Variants in IGFN1 observed in about 807,000 individuals in gnomAD.
IGFN1 encodes the protein immunoglobulin-like and fibronectin type III domain-containing protein 1.
A neutral mutation model predicts 289.5 loss-of-function variants in IGFN1; 253 were observed. The ratio of observed to expected loss-of-function variants is 0.87; its 90% CI spans 0.79 to 0.97. The LOEUF (loss-of-function observed/expected upper bound fraction) is 0.97, where lower values mean the gene tolerates loss of function less well. Among genes scored for constraint, IGFN1 ranks in the 50% least tolerant of loss-of-function variants. IGFN1 has a pLI of 0.00. For missense variants in IGFN1, 4,470 were observed against 4,686.1 expected, an observed-to-expected ratio of 0.95 and a Z score of 1.35; for synonymous variants, 1,706 against 1,788.5, an observed-to-expected ratio of 0.95 and a Z score of 1.16.
In IGFN1 at chr1:201,228,562, C is replaced by A; in HGVS notation, c.*163C>A. On this transcript the variant is annotated 3_prime_UTR_variant, in exon 24 of 24. Transcript: ENST00000335211. The stretch of plus-strand genomic sequence containing the variant: ...GTTTTGGCCAGGAGGACGTGAAGTC[C>A]TTGGGGAAGAAAAACAAGGGAGGAG... 1 of 731,006 alleles carries A rather than the reference C, an allele frequency of 1.4e-6. No individual in the cohort carries two copies. The highest frequency in any genetic ancestry group is 2.3e-5 in the Admixed American group (1 of 44,256). 45.3% of individuals were successfully genotyped at this position (731,006 alleles called of 1,614,324 possible). A position where few individuals can be genotyped will look rare whatever the true frequency, so the allele number is the denominator to read the frequency against.
intron 18 of IGFN1, among the ~76,000 whole-genome samples, chr1:201,219,064 G>GAAA (rs11411197): frequency 6.7e-6 from 1 of 148,244 alleles, no homozygotes. Flanking sequence ...AAAGAAAGAA[G>GAAA]AAAAAAAAAA....
chr1:201,200,352 C>T lies in IGFN1; in HGVS notation c.574C>T (p.Arg192Cys), dbSNP rs754271931. The T allele has an allele frequency of 1.4e-5, 21 of 1,551,642 alleles. No homozygotes were observed. Among genetic ancestry groups the T allele is most frequent in the Admixed American group, 5.9e-5 (3 of 50,986 alleles). The change falls in exon 8 of 24, where the codon CGT becomes TGT. Residue 192 changes from arginine to cysteine, a missense_variant. Arg to Cys is a radical substitution (Grantham distance 180). This residue lies in a region of IGFN1 where 2,011 missense variants were observed against 1,953.4 expected (regional missense o/e 1.03). Transcript: ENST00000335211. ...CTTGAAGTATGGCATCGTCGACTAC[C>T]GTGGCATGTTGCGCAGGCTGCAGGA... ...ICLKYGIVDYRGMLRRLQEMK... is the reference protein window; with the variant it reads ...ICLKYGIVDYCGMLRRLQEMK...
rs375687736 is a variant in IGFN1 at position 201,221,611 on chromosome 1, G to A, written c.10066G>A (p.Val3356Met). Residue 3356 changes from valine to methionine, a missense_variant, in exon 19 of 24, where the codon GTG (valine) becomes ATG (methionine). Transcript: ENST00000335211. The stretch of plus-strand genomic sequence containing the variant: ...GTGGCTCCCGTGCCATGTGGGCACC[G>A]TGCCAGTCACCACCTACACGGCCAA... ...LQWLPCHVGT[V>M]PVTTYTAKGL... is the part of the protein sequence containing the mutation. The A allele has an allele frequency of 8.9e-5, 143 of 1,614,208 alleles. No individual in the cohort carries two copies. Among genetic ancestry groups the A allele is most frequent in the South Asian group, 1.4e-4 (13 of 91,088 alleles).
rs2102375324 is a variant in IGFN1 at position 201,226,069 on chromosome 1, G to A, written c.10732G>A (p.Gly3578Arg). The change falls in exon 22 of 24, where the codon GGG (glycine) becomes AGG (arginine). Residue 3578 changes from glycine (G) to arginine (R), a missense_variant. This residue lies in a region of IGFN1 where 2,218 missense variants were observed against 2,114.1 expected (regional missense o/e 1.05). Transcript: ENST00000335211. ...HFRVVAKNEL[G>R]ASKPSDTSQP... ...CAGGGTGGTGGCCAAGAATGAGCTG[G>A]GGGCCAGCAAACCCTCGGACACCAG... 1 of 1,603,354 alleles carries A rather than the reference G, an allele frequency of 6.2e-7. No homozygotes were observed. Among genetic ancestry groups the A allele is most frequent in the Non-Finnish European group, 8.5e-7 (1 of 1,173,350 alleles).
In IGFN1 at chr1:201,219,936, T is replaced by G. The variant is rs545224418; in HGVS notation, c.9898+1278T>G. The stretch of plus-strand genomic sequence containing the variant: ...TCTGTTCTTTTCTTTTCTTTCTCTC[T>G]CTCCTTCCTTCTTTCTCTCTCTCCT... On this transcript the variant is annotated intron_variant, in intron 18 of 23. Transcript: ENST00000335211. 6.2e-3 allele frequency among the ~76,000 whole-genome samples: 478 copies of G among 76,984 alleles called. 4 individuals carry two copies. The highest frequency in any genetic ancestry group is 0.017 in the African/African-American group (458 of 26,754). The allele number at this position is 76,984 out of a possible 152,430, so 50.5% of individuals were successfully genotyped here.
At chr1:201,219,891 T>C (rs1043583756) in intron 18 of IGFN1, among the ~76,000 whole-genome samples, 3 of 152,178 alleles carry the variant, frequency 2.0e-5, no homozygotes, top group African/African-American at 7.2e-5. Context: ...ACCAAGCCTG[T>C]CCTATCTTTT....
At chr1:201,205,918 C>T (rs757120147) in intron 11 of IGFN1, among the ~76,000 whole-genome samples, 165 bp from the exon 12 acceptor site, 1 of 152,194 alleles carries the variant, frequency 6.6e-6, no homozygotes, top group African/African-American at 2.4e-5. Context: ...AACACCCTGG[C>T]TTCCTTCCCA....
rs1667834988 is a variant in IGFN1, at chr1:201,211,970, A to T, written c.7077A>T (p.Gly2359=). 1 of 1,533,828 alleles carries T rather than the reference A, an allele frequency of 6.5e-7. No homozygotes were observed. Among genetic ancestry groups the T allele is most frequent in the African/African-American group, 1.4e-5 (1 of 72,870 alleles). Residue 2359 remains glycine (G), a synonymous_variant, in exon 12 of 24, where the codon GGA becomes GGT. Transcript: ENST00000335211. Reference sequence around the variant, plus strand: ...GACCAGAGGGTAAGATGGGTTATGGAGATGGTTCAGGGAGGCTTGGAGTAC... The same window carrying T: ...GACCAGAGGGTAAGATGGGTTATGGTGATGGTTCAGGGAGGCTTGGAGTAC... The part of the protein sequence containing the change: ...ETGPEGKMGY[G]DGSGRLGVPG...
At position 201,205,279 on chromosome 1, in the gene IGFN1, G is replaced by A. The variant is rs777338105; in HGVS notation, c.1114G>A (p.Ala372Thr). 9.0e-6 allele frequency: 14 copies of A among 1,550,832 alleles called. No homozygotes were observed. Among genetic ancestry groups the A allele is most frequent in the South Asian group, 5.9e-5 (5 of 84,054 alleles). The part of the protein sequence containing the change: ...GLTHRLVVRG[A>T]RFSDMGPYSL... ...GACCCACCGGCTGGTGGTGAGGGGG[G>A]CACGTTTCTCAGACATGGGCCCCTA... Residue 372 changes from alanine (A) to threonine (T), a missense_variant, in exon 11 of 24, where the codon GCA becomes ACA. This residue lies in a region of IGFN1 where 2,011 missense variants were observed against 1,953.4 expected (regional missense o/e 1.03). Coordinates refer to ENST00000335211, the MANE Select transcript of IGFN1 (RefSeq NM_001164586.2).
Position 201,200,326 on chromosome 1 carries a change from G to A in IGFN1, c.548G>A (p.Cys183Tyr), listed in dbSNP as rs184862358. ...TADRKDYEKICLKYGIVDYRG... is the reference protein window; with the variant it reads ...TADRKDYEKIYLKYGIVDYRG... ...GACAGGAAGGACTACGAGAAGATCT[G>A]CTTGAAGTATGGCATCGTCGACTAC... Residue 183 changes from cysteine to tyrosine, a missense_variant, in exon 8 of 24, where the codon TGC becomes TAC. Around this residue, in one of 8 missense-constraint regions of IGFN1, gnomAD observed 2,011 missense variants for 1,953.4 expected, o/e 1.03. Coordinates refer to ENST00000335211, the MANE Select transcript of IGFN1 (RefSeq NM_001164586.2). 4.5e-6 allele frequency: 7 copies of A among 1,551,734 alleles called. No individual in the cohort carries two copies. The East Asian group carries it at 1.5e-4, about 33-fold the overall frequency.
chr1:201,224,556 G>T, intron 20 of IGFN1, 123 bp from the exon 21 acceptor site: 2 of 732,098 alleles, frequency 2.7e-6, no homozygotes, highest in East Asian at 5.6e-5. Flanking sequence ...GTGTTTTCTG[G>T]TCGACTTTCT....
chr1:201,206,241 C>A lies in IGFN1; in HGVS notation c.1348C>A (p.Pro450Thr). ...GGGGGGCTCCCTTGAAGGGGCTGGG[C>A]CGGCTTCTGGGCTCCAGCACATAGC... ...PRGGSLEGAG[P>T]ASGLQHIASP... The change falls in exon 12 of 24, where the codon CCG (proline) becomes ACG (threonine). Residue 450 changes from proline (P) to threonine (T), a missense_variant. Coordinates refer to ENST00000335211, the MANE Select transcript of IGFN1 (RefSeq NM_001164586.2). 4.5e-6 allele frequency: 7 copies of A among 1,547,228 alleles called. No individual in the cohort carries two copies. The highest frequency in any genetic ancestry group is 6.1e-6 in the Non-Finnish European group (7 of 1,145,454).
chr1:201,224,828 C>G lies in IGFN1; in HGVS notation c.10440C>G (p.Thr3480=). Reference sequence around the variant, plus strand: ...GTCTCTACACTGTGGTGCTGAGGACCCTGCAGGGGAAGGAGGTTGCCCACA... The same window carrying G: ...GTCTCTACACTGTGGTGCTGAGGACGCTGCAGGGGAAGGAGGTTGCCCACA... The part of the protein sequence containing the change: ...DSGLYTVVLR[T]LQGKEVAHSF... The change falls in exon 21 of 24, where the codon ACC becomes ACG. Residue 3480 remains threonine, a synonymous_variant. Coordinates refer to ENST00000335211, the MANE Select transcript of IGFN1 (RefSeq NM_001164586.2). The G allele has an allele frequency of 6.2e-7, 1 of 1,614,006 alleles. No homozygotes were observed. The highest frequency in any genetic ancestry group is 8.5e-7 in the Non-Finnish European group (1 of 1,179,956).
Position 201,195,859 on chromosome 1 carries a change from G to T in IGFN1, c.148G>T (p.Ala50Ser). Residue 50 changes from alanine (A) to serine (S), a missense_variant, in exon 4 of 24, where the codon GCT (alanine) becomes TCT (serine). Ala to Ser is a moderately conservative substitution (Grantham distance 99). This residue lies in a region of IGFN1 where 2,011 missense variants were observed against 1,953.4 expected (regional missense o/e 1.03). Coordinates refer to ENST00000335211, the MANE Select transcript of IGFN1 (RefSeq NM_001164586.2). ...TGCAGGGAAAAATGCTGTCTTTCGG[G>T]CTGTGGTCTGTGGGGAGCCCAGGCC... Reference protein sequence around the residue: ...LPEGKNAVFRAVVCGEPRPEV... With the variant: ...LPEGKNAVFRSVVCGEPRPEV... 6.4e-7 allele frequency: 1 copy of T among 1,551,552 alleles called. No homozygotes were observed. Among genetic ancestry groups the T allele is most frequent in the Non-Finnish European group, 8.7e-7 (1 of 1,146,934 alleles).
At chr1:201,225,729 C>A in intron 21 of IGFN1, 95 bp from the exon 22 acceptor site, 1 of 1,151,822 alleles carries the variant, frequency 8.7e-7, no homozygotes, top group Non-Finnish European at 1.2e-6. Context: ...GACTGCGTTC[C>A]CCAGGACCCT....
rs1396054587 is a variant in IGFN1, at chr1:201,215,155, G to T, written c.8995+1G>T. On this transcript the variant is annotated splice_donor_variant, in intron 14 of 23. Transcript: ENST00000335211. LOFTEE classifies it high-confidence loss of function. ...AGCGAGGCCACCCTGACCGTCCAGG[G>T]TAAGGCCCAGCCCTGCCCTGCCCTG... 3.7e-6 allele frequency: 6 copies of T among 1,612,064 alleles called. No homozygotes were observed. Among genetic ancestry groups the T allele is most frequent in the Non-Finnish European group, 4.2e-6 (5 of 1,179,636 alleles).
In IGFN1 at chr1:201,207,470, G is replaced by A; in HGVS notation, c.2577G>A (p.Leu859=). 6.5e-7 allele frequency: 1 copy of A among 1,530,820 alleles called. No individual in the cohort carries two copies. Among genetic ancestry groups the A allele is most frequent in the Non-Finnish European group, 8.7e-7 (1 of 1,143,520 alleles). The allele number at this position is 1,530,820 out of a possible 1,614,324, so 94.8% of individuals were successfully genotyped here. A position where few individuals can be genotyped will look rare whatever the true frequency, so the allele number is the denominator to read the frequency against. ...KTGAHHGPGV[L]GPSGGQEGMG... is the part of the protein sequence containing the mutation. ...GGGCCCACCATGGGCCTGGAGTGCT[G>A]GGGCCCAGTGGAGGACAAGAGGGTA... Residue 859 remains leucine, a synonymous_variant, in exon 12 of 24, where the codon CTG becomes CTA. Transcript: ENST00000335211.
intron 5 of IGFN1, 68 bp from the exon 6 acceptor site, chr1:201,199,266 T>A: frequency 7.4e-7 from 1 of 1,358,112 alleles, no homozygotes; most frequent in Non-Finnish European, 1.0e-6. Context: ...AGGAAGACCA[T>A]CAACATGTCT....
intron 12 of IGFN1, 130 bp from the exon 13 acceptor site, chr1:201,214,047 T>C (rs1667969894): frequency 3.3e-6 from 3 of 900,884 alleles, no homozygotes; most frequent in Non-Finnish European, 4.9e-6. Context: ...CAAGATAGCA[T>C]AGGTGCTGGG....
Sources: allele counts gnomAD v4.1 joint callset (sites outside exome capture counted in the v4.1 genomes callset), GRCh38; gene constraint gnomAD v4.1.1; regional missense constraint gnomAD v4.1.1; transcripts MANE v1.5; gene names NCBI Gene and HGNC (gene_info 2026-07-23, HGNC 2026-07-21).